The following MFSD8 variants were observed in gnomAD, a reference collection of about 807,000 sequenced individuals.
MFSD8 encodes major facilitator superfamily domain-containing protein 8.
MFSD8 carries 55 observed loss-of-function variants against 66.4 expected under a neutral mutation model. The observed-to-expected ratio is 0.83, with a 90% CI of 0.67 to 1.04. The LOEUF (loss-of-function observed/expected upper bound fraction) is 1.04. Among genes scored for constraint, MFSD8 ranks in the 50% least tolerant of loss-of-function variants. The pLI is 0.00. For synonymous variants in MFSD8, 202 were observed against 212.8 expected, an observed-to-expected ratio of 0.95 and a Z score of 0.44; for missense variants, 550 against 627.6, an observed-to-expected ratio of 0.88 and a Z score of 1.32.
intron 2 of MFSD8, among the ~76,000 whole-genome samples, chr4:127,954,363 C>G (rs1742514196): frequency 6.6e-6 from 1 of 152,120 alleles, no homozygotes; most frequent in Non-Finnish European, 1.5e-5. Flanking sequence ...TGCCTGTAAT[C>G]CCAGCACTTT....
At chr4:127,936,178 A>G (rs937046181) in intron 7 of MFSD8, among the ~76,000 whole-genome samples, 2 of 151,816 alleles carry the variant, frequency 1.3e-5, no homozygotes, top group African/African-American at 2.4e-5. Context: ...ACGTGGCGTG[A>G]TATCGGCTCA....
At chr4:127,955,836 T>C (rs1288677491) in intron 2 of MFSD8, among the ~76,000 whole-genome samples, 1 of 152,070 alleles carries the variant, frequency 6.6e-6, no homozygotes, top group Non-Finnish European at 1.5e-5. Flanking sequence ...AATTTTGCAC[T>C]GGCCAGGCGG....
intron 3 of MFSD8, among the ~76,000 whole-genome samples, chr4:127,947,898 A>ACACACT (rs777137519): frequency 0.016 from 2,357 of 146,880 alleles, 42 homozygotes; most frequent in African/African-American, 0.057. Flanking sequence ...ACACACACAC[A>ACACACT]CTCTCTCTCC....
Position 127,917,845 on chromosome 4 carries a change from T to G in MFSD8, c.*2785A>C, listed in dbSNP as rs1054921215. 6.6e-6 allele frequency: 1 copy of G among 152,210 alleles called. No homozygotes were observed. Among genetic ancestry groups the G allele is most frequent in the African/African-American group, 2.4e-5 (1 of 41,454 alleles). The allele number at this position is 152,210 out of a possible 1,614,324, so 9.4% of individuals were successfully genotyped here. A position where few individuals can be genotyped will look rare whatever the true frequency, so the allele number is the denominator to read the frequency against. On this transcript the variant is annotated 3_prime_UTR_variant, in exon 12 of 12. Transcript: ENST00000641686. ...ATCTTGTTTATTAGAAAATGAACAT[T>G]CACAATGTAAAGTAGAAATTAAATT... is the stretch of plus-strand genomic sequence containing the variant.
chr4:127,933,207 A>T (rs79954102), intron 7 of MFSD8, 114 bp from the exon 8 acceptor site: 24 of 819,958 alleles, frequency 2.9e-5, no homozygotes, highest in South Asian at 1.4e-4. Context: ...ATTTAAAAAA[A>T]TTTTTAGGCT....
chr4:127,942,159 C>T lies in MFSD8; in HGVS notation c.440-1G>A, dbSNP rs200051695. 1 of 1,602,366 alleles carries T rather than the reference C, an allele frequency of 6.2e-7. No homozygotes were observed. The highest frequency in any genetic ancestry group is 1.7e-5 in the Admixed American group (1 of 59,998). On this transcript the variant is annotated splice_acceptor_variant, in intron 4 of 11. Coordinates refer to ENST00000641686, the MANE Select transcript of MFSD8 (RefSeq NM_001371596.2). LOFTEE classifies it high-confidence loss of function. Reference sequence around the variant, plus strand: ...TATGATCTAACAACTGCTACATTTCCTTAAAAACAAGACACAATAATCCAA... The same window carrying T: ...TATGATCTAACAACTGCTACATTTCTTTAAAAACAAGACACAATAATCCAA...
In MFSD8 at chr4:127,944,003, A is replaced by G. The variant is rs750871697; in HGVS notation, c.199-11T>C. 48 of 1,614,052 alleles carry G rather than the reference A, an allele frequency of 3.0e-5. No homozygotes were observed. The African/African-American group carries it at 4.1e-4, about 14-fold the overall frequency. ...AGCTGTCGGATCAATCTGCAGAAAA[A>G]GGTACAGTGCTTTAAGAATTGTTAT... On this transcript the variant is annotated splice_polypyrimidine_tract_variant and intron_variant, in intron 3 of 11. Transcript: ENST00000641686.
chr4:127,939,681 T>C lies in MFSD8; in HGVS notation c.698+172A>G. 4 of 514,190 alleles carry C rather than the reference T, an allele frequency of 7.8e-6. No individual in the cohort carries two copies. The South Asian group carries it at 1.3e-4, about 17-fold the overall frequency. The allele number at this position is 514,190 out of a possible 1,614,324, so 31.9% of individuals were successfully genotyped here. A position where few individuals can be genotyped will look rare whatever the true frequency, so the allele number is the denominator to read the frequency against. ...TTTTCTGTTCTCATTTATCAGGTTG[T>C]CTTTTGGTTGCCAGTATTACATGCT... On this transcript the variant is annotated intron_variant, in intron 6 of 11. Transcript: ENST00000641686.
rs376661613 is a variant in MFSD8 at position 127,938,592 on chromosome 4, AAAATAAAT to A, written c.754+183_754+190del. ...AGCGAAACTCTGTCTCAAAAAAAAA[AAAATAAAT>A]AAATAAATAAATAAATAAATAAATA... On this transcript the variant is annotated intron_variant, in intron 7 of 11. Coordinates refer to ENST00000641686, the MANE Select transcript of MFSD8 (RefSeq NM_001371596.2). Among the ~76,000 whole-genome samples, 291 of 130,790 alleles carry A rather than the reference AAAATAAAT, an allele frequency of 2.2e-3. 1 individual carries two copies. The highest frequency in any genetic ancestry group is 5.9e-3 in the African/African-American group (183 of 31,014). 85.8% of individuals were successfully genotyped at this position (130,790 alleles called of 152,430 possible). A position where few individuals can be genotyped will look rare whatever the true frequency, so the allele number is the denominator to read the frequency against.
intron 3 of MFSD8, among the ~76,000 whole-genome samples, chr4:127,948,006 G>C (rs1741360471): frequency 6.6e-6 from 1 of 152,154 alleles, no homozygotes; most frequent in South Asian, 2.1e-4. Flanking sequence ...AGCCAGGATA[G>C]AGAAATGTCA....
Position 127,921,927 on chromosome 4 carries a change from G to C in MFSD8, c.1035C>G (p.Ile345Met). ...AGATAAAGAAGCCAACCCATACAACGATGAGTCCTCCCAGTAGAATAGCAC... is the reference window on the plus strand; with the variant it reads ...AGATAAAGAAGCCAACCCATACAACCATGAGTCCTCCCAGTAGAATAGCAC... Reference protein sequence around the residue: ...GERAILLGGLIVVWVGFFILL... With the variant: ...GERAILLGGLMVVWVGFFILL... Residue 345 changes from isoleucine to methionine, a missense_variant, in exon 10 of 12, where the codon ATC becomes ATG. Transcript: ENST00000641686. The C allele has an allele frequency of 6.2e-7, 1 of 1,614,084 alleles. No individual in the cohort carries two copies. The highest frequency in any genetic ancestry group is 8.5e-7 in the Non-Finnish European group (1 of 1,180,004).
chr4:127,956,850 T>C (rs1225631661), intron 2 of MFSD8, among the ~76,000 whole-genome samples: 3 of 152,116 alleles, frequency 2.0e-5, no homozygotes, highest in African/African-American at 4.8e-5. Context: ...TGAAATACTT[T>C]TGTGAGTACA....
chr4:127,922,362 AC>A (rs1736460280), intron 9 of MFSD8, among the ~76,000 whole-genome samples: 1 of 152,154 alleles, frequency 6.6e-6, no homozygotes, highest in South Asian at 2.1e-4. Context: ...AGTGGCTCAC[AC>A]CTATAACCCC....
rs1220404877 is a variant in MFSD8, at chr4:127,921,933, T to C, written c.1029A>G (p.Gly343=). The C allele has an allele frequency of 1.2e-6, 2 of 1,613,952 alleles. No homozygotes were observed. The highest frequency in any genetic ancestry group is 3.3e-5 in the Admixed American group (2 of 59,986). The change falls in exon 10 of 12, where the codon GGA becomes GGG. Residue 343 remains glycine (G), a synonymous_variant. Coordinates refer to ENST00000641686, the MANE Select transcript of MFSD8 (RefSeq NM_001371596.2). ...AGAAGCCAACCCATACAACGATGAG[T>C]CCTCCCAGTAGAATAGCACGCTCGC... The part of the protein sequence containing the change: ...KIGERAILLG[G]LIVVWVGFFI...
Position 127,939,921 on chromosome 4 carries a change from A to T in MFSD8, c.630T>A (p.Tyr210Ter). The change falls in exon 6 of 12, where the codon TAT (tyrosine) becomes TAA (stop). Residue 210 changes from tyrosine to a stop codon, truncating the protein, a stop_gained. Coordinates refer to ENST00000641686, the MANE Select transcript of MFSD8 (RefSeq NM_001371596.2). LOFTEE classifies it high-confidence loss of function. ...AGGCGCTAAGTAAAACTGGTGTTGT[A>T]TACATGTTTATCTGCAGTTTAATCA... ...WDVIKLQINM[Y>*]TTPVLLSAFL... 2 of 1,613,628 alleles carry T rather than the reference A, an allele frequency of 1.2e-6. No homozygotes were observed. The highest frequency in any genetic ancestry group is 1.7e-6 in the Non-Finnish European group (2 of 1,179,692).
At position 127,957,551 on chromosome 4, in the gene MFSD8, C is replaced by A; in HGVS notation, c.104G>T (p.Arg35Leu). 6.2e-7 allele frequency: 1 copy of A among 1,611,904 alleles called. No individual in the cohort carries two copies. ...ATATAAAATCCTAATAGATCTCCATCGGCTCTTATAATGCTCTTCAGTCTC... is the reference window on the plus strand; with the variant it reads ...ATATAAAATCCTAATAGATCTCCATAGGCTCTTATAATGCTCTTCAGTCTC... ...ILETEEHYKS[R>L]WRSIRILYLT... The change falls in exon 2 of 12, where the codon CGA becomes CTA. Residue 35 changes from arginine (R) to leucine (L), a missense_variant. Transcript: ENST00000641686.
intron 8 of MFSD8, 97 bp from the exon 9 acceptor site, chr4:127,930,914 A>T: frequency 2.5e-6 from 3 of 1,187,260 alleles, no homozygotes; most frequent in Non-Finnish European, 3.6e-6. Flanking sequence ...TACACATTCA[A>T]GAATGTGCAT....
At chr4:127,945,918 C>CTTT (rs373712196) in intron 3 of MFSD8, among the ~76,000 whole-genome samples, 6 of 133,508 alleles carry the variant, frequency 4.5e-5, no homozygotes, top group South Asian at 2.4e-4. Context: ...GAAAGCAAAA[C>CTTT]TTTTTTTTTT....
chr4:127,943,504 GCCA>G (rs1740542045), intron 4 of MFSD8: 4 of 449,172 alleles, frequency 8.9e-6, no homozygotes, highest in Admixed American at 7.1e-5. Flanking sequence ...ATAGGCACGT[GCCA>G]CCACACCTGG....
Sources: allele counts gnomAD v4.1 joint callset (sites outside exome capture counted in the v4.1 genomes callset), GRCh38; gene constraint gnomAD v4.1.1; transcripts MANE v1.5; gene names NCBI Gene and HGNC (gene_info 2026-07-23, HGNC 2026-07-21).